The following HEXB variants were observed in gnomAD, a reference collection of about 807,000 sequenced individuals.
HEXB encodes the protein beta-hexosaminidase subunit beta.
Under a neutral mutation model 71.2 loss-of-function variants are expected in HEXB, and 51 were observed. That is an observed-to-expected ratio of 0.72 (90% CI 0.57 to 0.90). HEXB has a LOEUF of 0.90. Among genes scored for constraint, HEXB ranks in the 40% least tolerant of loss-of-function variants. The pLI is 0.00. For missense variants in HEXB, 617 were observed against 677.0 expected, an observed-to-expected ratio of 0.91 and a Z score of 0.98; for synonymous variants, 266 against 249.3, an observed-to-expected ratio of 1.07 and a Z score of -0.63.
At chr5:74,713,410 T>C in intron 6 of HEXB, 96 bp from the exon 7 acceptor site, 3 of 1,160,062 alleles carry the variant, frequency 2.6e-6, no homozygotes, top group Non-Finnish European at 3.9e-6. Context: ...GTGAAAAAAT[T>C]AGCTGTCAAA....
intron 6 of HEXB, among the ~76,000 whole-genome samples, chr5:74,708,314 C>T (rs992506570): frequency 1.3e-5 from 2 of 151,946 alleles, no homozygotes; most frequent in South Asian, 2.1e-4. Context: ...AAGGAACAAC[C>T]AGTACCAGCC....
intron 3 of HEXB, among the ~76,000 whole-genome samples, chr5:74,695,338 G>A (rs1308553733): frequency 6.7e-6 from 1 of 150,222 alleles, no homozygotes; most frequent in Non-Finnish European, 1.5e-5. Context: ...CGAGTAGCTG[G>A]TACTACAGGC....
chr5:74,642,666 T>C (rs1005533037), intron 1 of HEXB, among the ~76,000 whole-genome samples: 2 of 151,842 alleles, frequency 1.3e-5, no homozygotes, highest in Non-Finnish European at 1.5e-5. Flanking sequence ...ACTATGTACA[T>C]AGCTCAGCTG....
intron 1 of HEXB, among the ~76,000 whole-genome samples, chr5:74,668,230 TTGTGTGTGTGTG>T (rs34727155): frequency 6.1e-5 from 9 of 148,580 alleles, no homozygotes; most frequent in African/African-American, 2.2e-4. Flanking sequence ...TTTGTTTTGT[TTGTGTGTGTGTG>T]TGTGTGTGTG....
intron 2 of HEXB, 198 bp from the exon 3 acceptor site, chr5:74,693,441 A>T: frequency 3.1e-6 from 2 of 640,936 alleles, no homozygotes; most frequent in Non-Finnish European, 5.7e-6. Flanking sequence ...GGGAGGGAAG[A>T]GTTCTGTTGG....
At chr5:74,664,051 T>G (rs1561205840) in intron 1 of HEXB, among the ~76,000 whole-genome samples, 1 of 151,604 alleles carries the variant, frequency 6.6e-6, no homozygotes, top group Non-Finnish European at 1.5e-5. Context: ...AGGTCAGGAG[T>G]TTGTGACCAG....
intron 6 of HEXB, among the ~76,000 whole-genome samples, chr5:74,707,367 C>T (rs1216368719): frequency 6.6e-6 from 1 of 152,172 alleles, no homozygotes; most frequent in Non-Finnish European, 1.5e-5. Flanking sequence ...AAACTGGAAA[C>T]TCTAAAAAGC....
At chr5:74,720,585 A>G in intron 12 of HEXB, 58 bp from the exon 13 acceptor site, 1 of 1,597,670 alleles carries the variant, frequency 6.3e-7, no homozygotes, top group Non-Finnish European at 8.6e-7. Context: ...GTCTAAACAC[A>G]AAAGTGCTAA....
intron 6 of HEXB, among the ~76,000 whole-genome samples, chr5:74,712,545 GCTCCATAA>G (rs376675483): frequency 5.9e-5 from 9 of 151,966 alleles, no homozygotes; most frequent in African/African-American, 2.2e-4. Flanking sequence ...ATACAAATAA[GCTCCATAA>G]TTGTGGTGAG....
At position 74,668,209 on chromosome 5, in the gene HEXB, G is replaced by GTT. The variant is rs71600431; in HGVS notation, c.-376-21113_-376-21112dup. On this transcript the variant is annotated intron_variant, in intron 1 of 13. Coordinates refer to the HEXB transcript ENST00000511181. ...GCAGCTAGGTTTTTTATTTTATTTT[G>GTT]TTTTTTTGTTTTTGTTTTGTTTGTG... Among the ~76,000 whole-genome samples, 242 of 147,720 alleles carry GTT rather than the reference G, an allele frequency of 1.6e-3. 1 individual carries two copies. The highest frequency in any genetic ancestry group is 5.6e-3 in the African/African-American group (217 of 38,950).
upstream of HEXB, among the ~76,000 whole-genome samples, chr5:74,684,151 A>G (rs1202346559): frequency 1.3e-5 from 2 of 152,234 alleles, no homozygotes. Context: ...TCTTTCCTTA[A>G]AGCTCTTCCA....
intron 1 of HEXB, among the ~76,000 whole-genome samples, chr5:74,646,870 A>ATTCATTC (rs1191407575): frequency 1.0e-3 from 158 of 152,254 alleles, no homozygotes; most frequent in African/African-American, 3.5e-3. Flanking sequence ...CCCGGCAACA[A>ATTCATTC]TTCATTCTTC....
At chr5:74,661,252 A>T (rs1377404332) in intron 1 of HEXB, among the ~76,000 whole-genome samples, 1 of 152,192 alleles carries the variant, frequency 6.6e-6, no homozygotes, top group East Asian at 1.9e-4. Flanking sequence ...CGAAATCCAC[A>T]GTCCTTGAAA....
chr5:74,692,375 G>A (rs1287578505), intron 2 of HEXB, among the ~76,000 whole-genome samples: 15 of 151,430 alleles, frequency 9.9e-5, no homozygotes, highest in South Asian at 4.2e-4. Flanking sequence ...TTAGCCAGGC[G>A]TGGTGGCACA....
Position 74,652,414 on chromosome 5 carries a change from G to A in HEXB, c.-377+11856G>A, listed in dbSNP as rs147752324. On this transcript the variant is annotated intron_variant, in intron 1 of 13. Transcript: ENST00000511181. This position sits in a 1 kb window ranked among gnomAD's most constrained non-coding sequence, Gnocchi z 5.4. ...AGCCACTCCTGAATACACAGTAGCC[G>A]TTTGCCTTCATGTATTTGCTTAATC... 2.6e-3 allele frequency among the ~76,000 whole-genome samples: 401 copies of A among 152,308 alleles called. 2 individuals carry two copies. The highest frequency in any genetic ancestry group is 9.0e-3 in the African/African-American group (375 of 41,568).
chr5:74,646,220 T>A (rs1185344861), intron 1 of HEXB, among the ~76,000 whole-genome samples: 1 of 152,216 alleles, frequency 6.6e-6, no homozygotes, highest in Non-Finnish European at 1.5e-5. Context: ...TAATGATTCC[T>A]TAGTAAACTG....
chr5:74,660,584 C>T (rs1219207199), intron 1 of HEXB, among the ~76,000 whole-genome samples: 1 of 152,238 alleles, frequency 6.6e-6, no homozygotes. Flanking sequence ...TCAGCTCCCA[C>T]TCCAGATGCT....
At chr5:74,664,448 A>AAAAAAAAAAAACAAAAAAAAAAAC (rs756960235) in intron 1 of HEXB, among the ~76,000 whole-genome samples, 1 of 126,540 alleles carries the variant, frequency 7.9e-6, no homozygotes, top group Non-Finnish European at 1.7e-5. Flanking sequence ...AAAAAAAAAA[A>AAAAAAAAAAAACAAAAAAAAAAAC]AAAAACAGAG....
At chr5:74,670,165 A>G (rs1236603701) in intron 1 of HEXB, among the ~76,000 whole-genome samples, 1 of 151,672 alleles carries the variant, frequency 6.6e-6, no homozygotes, top group Non-Finnish European at 1.5e-5. Flanking sequence ...TATTTTACAT[A>G]TACCTACACT....
Sources: allele counts gnomAD v4.1 joint callset (sites outside exome capture counted in the v4.1 genomes callset), GRCh38; gene constraint gnomAD v4.1.1; non-coding constraint Gnocchi (gnomAD v3.1); transcripts MANE v1.5; gene names NCBI Gene and HGNC (gene_info 2026-07-23, HGNC 2026-07-21).